CRB1: variants seen among roughly 807,000 people sequenced by gnomAD.
CRB1 encodes the protein protein crumbs homolog 1.
A neutral mutation model predicts 120.0 loss-of-function variants in CRB1; 83 were observed. The ratio of observed to expected loss-of-function variants is 0.69; its 90% confidence interval spans 0.58 to 0.83. The LOEUF (loss-of-function observed/expected upper bound fraction) is 0.83, where lower values mean the gene tolerates loss of function less well. Among genes scored for constraint, CRB1 ranks in the 40% least tolerant of loss-of-function variants. The pLI is 0.00. For synonymous variants in CRB1, 625 were observed against 612.5 expected (o/e 1.02, Z -0.30); for missense variants, 1,699 against 1,687.6 (o/e 1.01, Z -0.12).
chr1:197,308,381 A>G (rs945061179), intron 1 of CRB1, among the ~76,000 whole-genome samples: 2 of 152,206 alleles, frequency 1.3e-5, no homozygotes, highest in African/African-American at 4.8e-5. Context: ...GAATATTCCC[A>G]TGTAACAAAC....
the CRB1 span, among the ~76,000 whole-genome samples, chr1:197,218,384 G>T: frequency 6.6e-6 from 1 of 152,320 alleles, no homozygotes; most frequent in African/African-American, 2.4e-5. Flanking sequence ...TATAATTAGT[G>T]AAGAAAGTGC....
chr1:197,331,495 A>G (rs1228402001), intron 2 of CRB1, among the ~76,000 whole-genome samples: 5 of 152,212 alleles, frequency 3.3e-5, no homozygotes, highest in African/African-American at 1.2e-4. Context: ...TTTGTATGCC[A>G]TACTGAGGTG....
At chr1:197,239,394 C>T in the CRB1 span, among the ~76,000 whole-genome samples, 2 of 152,012 alleles carry the variant, frequency 1.3e-5, no homozygotes, top group African/African-American at 4.8e-5. Flanking sequence ...ATATATTTTG[C>T]AGTTCTGATC....
intron 2 of CRB1, among the ~76,000 whole-genome samples, chr1:197,336,677 A>G (rs898905374): frequency 1.3e-5 from 2 of 152,220 alleles, no homozygotes; most frequent in African/African-American, 4.8e-5. Flanking sequence ...TTTGCAATGC[A>G]CTGGGCATTG....
chr1:197,406,384 C>A (rs1379169571), intron 5 of CRB1, among the ~76,000 whole-genome samples: 1 of 152,028 alleles, frequency 6.6e-6, no homozygotes, highest in East Asian at 1.9e-4. Flanking sequence ...GCAGCATGCT[C>A]GTTAAGAGTC....
chr1:197,402,167 A>G (rs1444669868), intron 5 of CRB1, among the ~76,000 whole-genome samples: 3 of 152,082 alleles, frequency 2.0e-5, no homozygotes, highest in African/African-American at 7.2e-5. Context: ...CTAGTACTCA[A>G]TAGTTATTTA....
chr1:197,256,824 GA>G, the CRB1 span, among the ~76,000 whole-genome samples: 10 of 144,192 alleles, frequency 6.9e-5, no homozygotes, highest in Admixed American at 2.1e-4. Context: ...GAAAATTTCA[GA>G]AAAAAAAACA....
intron 5 of CRB1, chr1:197,363,764 G>A: frequency 1.6e-6 from 1 of 619,242 alleles, no homozygotes; most frequent in Non-Finnish European, 3.0e-6. Context: ...CCCTTTCCAT[G>A]CCTGGCAACG....
intron 11 of CRB1, among the ~76,000 whole-genome samples, chr1:197,454,104 G>A (rs542731560): frequency 1.3e-4 from 19 of 150,834 alleles, no homozygotes; most frequent in African/African-American, 4.6e-4. Context: ...GGGATTACAG[G>A]CATGAGCCAC....
intron 11 of CRB1, among the ~76,000 whole-genome samples, chr1:197,451,721 G>A (rs1665984170): frequency 6.6e-6 from 1 of 152,154 alleles, no homozygotes; most frequent in South Asian, 2.1e-4. Flanking sequence ...CAGAATCGAG[G>A]CATATAGCCA....
intron 11 of CRB1, among the ~76,000 whole-genome samples, chr1:197,468,982 A>ACC (rs1003503420): frequency 1.3e-5 from 2 of 151,210 alleles, no homozygotes; most frequent in African/African-American, 4.9e-5. Flanking sequence ...CTCTGCTGGA[A>ACC]CCCCCCGGCC....
the CRB1 span, among the ~76,000 whole-genome samples, chr1:197,228,208 T>A: frequency 6.6e-6 from 1 of 152,206 alleles, no homozygotes; most frequent in African/African-American, 2.4e-5. Flanking sequence ...CTTATGCAAA[T>A]TTCTGCAGCC....
intron 5 of CRB1, among the ~76,000 whole-genome samples, chr1:197,390,326 C>T (rs1232462070): frequency 6.6e-6 from 1 of 151,970 alleles, no homozygotes; most frequent in African/African-American, 2.4e-5. Flanking sequence ...ATATTCTGTG[C>T]TCAGAGGAGG....
intron 5 of CRB1, among the ~76,000 whole-genome samples, chr1:197,388,137 C>T (rs1157923686): frequency 6.6e-6 from 1 of 151,876 alleles, no homozygotes; most frequent in Non-Finnish European, 1.5e-5. Flanking sequence ...TAGGTAGAAC[C>T]TACTACTCGA....
the CRB1 span, among the ~76,000 whole-genome samples, chr1:197,255,214 A>G: frequency 6.6e-6 from 1 of 152,186 alleles, no homozygotes; most frequent in South Asian, 2.1e-4. Flanking sequence ...TACCCTAGTT[A>G]GGCTACTCTG....
At chr1:197,338,265 T>C (rs1034181267) in intron 2 of CRB1, among the ~76,000 whole-genome samples, 5 of 152,236 alleles carry the variant, frequency 3.3e-5, no homozygotes, top group East Asian at 3.9e-4. Context: ...TTCGTTTAAC[T>C]TGGGAAAATA....
chr1:197,359,060 T>C (rs893015825), intron 5 of CRB1, among the ~76,000 whole-genome samples: 2 of 152,212 alleles, frequency 1.3e-5, no homozygotes, highest in African/African-American at 4.8e-5. Flanking sequence ...GATAATAGTA[T>C]ATTTATGTGC....
chr1:197,370,953 C>G (rs1661338159), intron 5 of CRB1, among the ~76,000 whole-genome samples: 3 of 152,208 alleles, frequency 2.0e-5, no homozygotes, highest in Non-Finnish European at 1.5e-5. Flanking sequence ...CTTCTGCCCA[C>G]TTCTTTGGTC....
chr1:197,350,690 T>C (rs1660048291), intron 4 of CRB1, among the ~76,000 whole-genome samples: 1 of 152,190 alleles, frequency 6.6e-6, no homozygotes, highest in African/African-American at 2.4e-5. Flanking sequence ...TACTAAATTC[T>C]GTAAAAATGA....
Sources: gnomAD v4.1 joint callset for allele counts (sites outside exome capture counted in the v4.1 genomes callset) on GRCh38, gnomAD v4.1.1 for gene constraint, MANE v1.5 for transcripts, NCBI Gene and HGNC (gene_info 2026-07-23, HGNC 2026-07-21) for gene names.